DLG2: variants seen among roughly 807,000 people sequenced by gnomAD.
DLG2 encodes the protein discs large MAGUK scaffold protein 2.
DLG2 carries 45 observed loss-of-function variants against 132.5 expected under a neutral mutation model. That is an observed-to-expected ratio of 0.34 (90% confidence interval 0.27 to 0.44). The LOEUF is 0.44. DLG2 is among the 20% of genes least tolerant of loss of function. DLG2 has a pLI of 1.00. For missense variants in DLG2, 1,045 were observed against 1,196.9 expected, an observed-to-expected ratio of 0.87 and a Z score of 1.87; for synonymous variants, 424 against 419.6, an observed-to-expected ratio of 1.01 and a Z score of -0.13.
intron 9 of DLG2, among the ~76,000 whole-genome samples, chr11:84,142,870 T>C (rs1266000221): frequency 1.3e-5 from 2 of 152,166 alleles, no homozygotes; most frequent in East Asian, 3.9e-4. Context: ...GGATTGCAGA[T>C]GGCAGATTGT....
At chr11:85,341,308 C>T (rs189685169) in intron 3 of DLG2, among the ~76,000 whole-genome samples, 5 of 152,058 alleles carry the variant, frequency 3.3e-5, no homozygotes, top group Admixed American at 3.3e-4. Context: ...TTTTAGTAGA[C>T]ACAGGGTTTC....
intron 15 of DLG2, among the ~76,000 whole-genome samples, chr11:83,891,654 G>A (rs1295921511): frequency 6.6e-6 from 1 of 152,154 alleles, no homozygotes; most frequent in African/African-American, 2.4e-5. Flanking sequence ...TCAGGGACCA[G>A]TCCTTACAGA....
intron 11 of DLG2, among the ~76,000 whole-genome samples, chr11:84,036,321 C>A (rs1475656838): frequency 6.6e-6 from 1 of 152,150 alleles, no homozygotes; most frequent in African/African-American, 2.4e-5. Context: ...AAACTAGCTT[C>A]TTCCCAGAAT....
At chr11:83,529,308 C>G (rs574588345) in intron 21 of DLG2, among the ~76,000 whole-genome samples, 2 of 152,234 alleles carry the variant, frequency 1.3e-5, no homozygotes, top group African/African-American at 4.8e-5. Flanking sequence ...CCCAGCTTTC[C>G]CAACTCTCCA....
At chr11:84,371,851 T>C (rs2098708039) in intron 7 of DLG2, among the ~76,000 whole-genome samples, 1 of 152,214 alleles carries the variant, frequency 6.6e-6, no homozygotes, top group Non-Finnish European at 1.5e-5. Context: ...ATTTATTTCA[T>C]TTCCTCTCAG....
At chr11:84,904,106 A>T (rs1300924234) in intron 6 of DLG2, among the ~76,000 whole-genome samples, 1 of 152,154 alleles carries the variant, frequency 6.6e-6, no homozygotes, top group African/African-American at 2.4e-5. Flanking sequence ...AGTTTTAACA[A>T]TAATTCTTTA....
At chr11:84,629,368 A>G (rs887596473) in intron 6 of DLG2, among the ~76,000 whole-genome samples, 12 of 152,170 alleles carry the variant, frequency 7.9e-5, no homozygotes, top group Admixed American at 2.0e-4. Context: ...ATTCACATGT[A>G]ATTGTAAAAA....
intron 7 of DLG2, among the ~76,000 whole-genome samples, chr11:84,269,496 G>A (rs1263839273): frequency 6.6e-6 from 1 of 152,086 alleles, no homozygotes; most frequent in Non-Finnish European, 1.5e-5. Context: ...AATTCTTGTG[G>A]TAATTCATAG....
At chr11:85,156,633 G>A (rs1205977279) in intron 4 of DLG2, among the ~76,000 whole-genome samples, 1 of 152,142 alleles carries the variant, frequency 6.6e-6, no homozygotes, top group African/African-American at 2.4e-5. Context: ...TACATAGTAA[G>A]GACCTGTCCT....
intron 8 of DLG2, among the ~76,000 whole-genome samples, chr11:84,189,595 G>T (rs1325329107): frequency 6.6e-6 from 1 of 152,130 alleles, no homozygotes; most frequent in African/African-American, 2.4e-5. Context: ...TGATAGACTG[G>T]ATAAAGAAAA....
At chr11:84,476,423 A>G (rs2099121843) in intron 7 of DLG2, among the ~76,000 whole-genome samples, 1 of 152,182 alleles carries the variant, frequency 6.6e-6, no homozygotes, top group East Asian at 1.9e-4. Context: ...TTACTTATTT[A>G]TGGAGAACAA....
chr11:84,794,183 G>C (rs1187021219), intron 6 of DLG2, among the ~76,000 whole-genome samples: 1 of 152,216 alleles, frequency 6.6e-6, no homozygotes, highest in African/African-American at 2.4e-5. Context: ...AAACTATTTA[G>C]AAAGAATAAG....
At chr11:85,494,403 C>T (rs79967205) in intron 3 of DLG2, among the ~76,000 whole-genome samples, 3 of 151,996 alleles carry the variant, frequency 2.0e-5, no homozygotes, top group Admixed American at 2.0e-4. Context: ...ATTTACAGCC[C>T]AAAATCTTGG....
intron 3 of DLG2, among the ~76,000 whole-genome samples, chr11:85,408,963 A>G (rs939071019): frequency 2.0e-5 from 3 of 151,984 alleles, no homozygotes; most frequent in African/African-American, 7.2e-5. Context: ...ATCCCTGAGC[A>G]TCTTGTTTCT....
At chr11:84,916,281 G>A (rs1206063236) in intron 6 of DLG2, among the ~76,000 whole-genome samples, 15 of 137,524 alleles carry the variant, frequency 1.1e-4, no homozygotes, top group Admixed American at 2.4e-4. Context: ...CCCGGGAGGC[G>A]GAGCATGCAG....
At chr11:84,126,217 G>C (rs7927039) in intron 9 of DLG2, among the ~76,000 whole-genome samples, 104,140 of 151,934 alleles carry the variant, frequency 0.69, 36,835 homozygotes, top group Middle Eastern at 0.82. Flanking sequence ...CGAAGGGTCA[G>C]GAGAATTAGT....
At chr11:84,148,252 T>C (rs193125204) in intron 9 of DLG2, among the ~76,000 whole-genome samples, 516 of 152,266 alleles carry the variant, frequency 3.4e-3, no homozygotes, top group Non-Finnish European at 6.1e-3. Flanking sequence ...CCAGGGGACA[T>C]GTGCAGGTTT....
chr11:84,853,983 G>C (rs1484607549), intron 6 of DLG2, among the ~76,000 whole-genome samples: 1 of 151,962 alleles, frequency 6.6e-6, no homozygotes, highest in African/African-American at 2.4e-5. Context: ...GTGAGCTCTG[G>C]AGGCCTGCAA....
chr11:83,513,844 T>C (rs570889767), intron 21 of DLG2, among the ~76,000 whole-genome samples: 20 of 152,340 alleles, frequency 1.3e-4, no homozygotes, highest in African/African-American at 4.6e-4. Flanking sequence ...GTTGTAGATA[T>C]GTGGCATTAT....
Sources: gnomAD v4.1 joint callset for allele counts (sites outside exome capture counted in the v4.1 genomes callset) on GRCh38, gnomAD v4.1.1 for gene constraint, MANE v1.5 for transcripts, NCBI Gene and HGNC (gene_info 2026-07-23, HGNC 2026-07-21) for gene names.